Variants in TNIK observed in about 807,000 individuals in gnomAD.
TNIK encodes the protein TRAF2 and NCK interacting kinase, also known as TRAF2 and NCK-interacting protein kinase.
TNIK carries 49 observed loss-of-function variants against 191.3 expected under a neutral mutation model. That is an observed-to-expected ratio of 0.26 (90% CI 0.20 to 0.32). The LOEUF is 0.32. TNIK is among the 10% of genes least tolerant of loss of function. The pLI is 1.00. For synonymous variants in TNIK, 594 were observed against 600.9 expected (o/e 0.99, Z 0.17); for missense variants, 1,155 against 1,702.3 (o/e 0.68, Z 5.66).
At chr3:171,268,730 G>T (rs1270388338) in intron 2 of TNIK, among the ~76,000 whole-genome samples, 1 of 152,038 alleles carries the variant, frequency 6.6e-6, no homozygotes, top group African/African-American at 2.4e-5. Context: ...AAGAAAGAAG[G>T]GCTGGGTGGT....
chr3:171,110,404 A>C (rs1725667898), intron 19 of TNIK, among the ~76,000 whole-genome samples: 1 of 152,248 alleles, frequency 6.6e-6, no homozygotes, highest in Non-Finnish European at 1.5e-5. Context: ...ACCGGCAATC[A>C]AACAGAAACA....
chr3:171,393,758 A>G (rs1309867341), intron 1 of TNIK, among the ~76,000 whole-genome samples: 1 of 152,228 alleles, frequency 6.6e-6, no homozygotes, highest in Admixed American at 6.5e-5. Flanking sequence ...AACTAAGGGA[A>G]GCTATACAAC....
intron 2 of TNIK, among the ~76,000 whole-genome samples, chr3:171,348,882 T>C (rs998739870): frequency 6.6e-6 from 1 of 152,148 alleles, no homozygotes; most frequent in African/African-American, 2.4e-5. Flanking sequence ...TTAAAAAGTA[T>C]GTACTATATT....
At chr3:171,149,789 G>A (rs1242899395) in intron 12 of TNIK, among the ~76,000 whole-genome samples, 4 of 152,190 alleles carry the variant, frequency 2.6e-5, no homozygotes, top group Non-Finnish European at 5.9e-5. Flanking sequence ...AAATAACAGA[G>A]CAAAAGCCCA....
chr3:171,390,713 A>G (rs965567623), intron 1 of TNIK, among the ~76,000 whole-genome samples: 4 of 152,224 alleles, frequency 2.6e-5, no homozygotes, highest in Non-Finnish European at 4.4e-5. Flanking sequence ...AAGGCCATCA[A>G]GCTGCTTCTC....
chr3:171,245,085 A>G (rs958651185), intron 2 of TNIK, among the ~76,000 whole-genome samples: 3 of 152,202 alleles, frequency 2.0e-5, no homozygotes, highest in African/African-American at 7.2e-5. Flanking sequence ...AATGATTGGA[A>G]AAAAGAAGAC....
chr3:171,252,879 G>A (rs958238674), intron 2 of TNIK, among the ~76,000 whole-genome samples: 1 of 152,026 alleles, frequency 6.6e-6, no homozygotes, highest in African/African-American at 2.4e-5. Context: ...AGGAAAAATG[G>A]GCACTTCAGA....
In TNIK at chr3:171,100,002, C is replaced by CAA. The variant is rs201325074; in HGVS notation, c.2591+1445_2591+1446dup. 2.3e-3 allele frequency among the ~76,000 whole-genome samples: 346 copies of CAA among 152,256 alleles called. 1 individual carries two copies. The highest frequency in any genetic ancestry group is 8.0e-3 in the African/African-American group (331 of 41,556). ...ATATAAACTTTTGGAAGACAAAATC[C>CAA]AAGTACGAACTTATCAGATCTCTTA... On this transcript the variant is annotated intron_variant, in intron 22 of 32. Transcript: ENST00000436636.
chr3:171,082,562 T>C, intron 26 of TNIK, 168 bp from the exon 27 acceptor site: 1 of 765,454 alleles, frequency 1.3e-6, no homozygotes, highest in Non-Finnish European at 2.0e-6. Context: ...AATTAAATCA[T>C]TGTACTTCTG....
intron 2 of TNIK, among the ~76,000 whole-genome samples, chr3:171,274,719 A>AAGT (rs1277309208): frequency 6.6e-6 from 1 of 152,108 alleles, no homozygotes; most frequent in Non-Finnish European, 1.5e-5. Flanking sequence ...TTGACCACAC[A>AAGT]AGTTGATCTT....
At chr3:171,244,058 T>C (rs1311390404) in intron 2 of TNIK, among the ~76,000 whole-genome samples, 1 of 128,108 alleles carries the variant, frequency 7.8e-6, no homozygotes, top group East Asian at 2.3e-4. Context: ...GAGACAGAAA[T>C]AGTTTTTTTT....
chr3:171,085,684 A>G (rs761101721), intron 24 of TNIK, among the ~76,000 whole-genome samples: 19 of 152,168 alleles, frequency 1.2e-4, no homozygotes, highest in Middle Eastern at 3.2e-3. Flanking sequence ...CTTGGGGAGG[A>G]GAGCTTTGAG....
chr3:171,380,474 C>T (rs1717883534), intron 1 of TNIK, among the ~76,000 whole-genome samples: 2 of 152,224 alleles, frequency 1.3e-5, no homozygotes, highest in Admixed American at 1.3e-4. Flanking sequence ...CCCAGAGATA[C>T]TCATTTACCA....
rs373315379 is a variant in TNIK at position 171,371,596 on chromosome 3, C to T, written c.58-1911G>A. Among the ~76,000 whole-genome samples the T allele has an allele frequency of 3.9e-5, 6 of 152,168 alleles. No individual in the cohort carries two copies. The South Asian group carries it at 1.0e-3, about 26-fold the overall frequency. ...GTGGTTCCAGACAGAACCACAAAAC[C>T]GGAAAACACTCTTAAGGGACTTAGA... On this transcript the variant is annotated intron_variant, in intron 1 of 32. Transcript: ENST00000436636.
intron 18 of TNIK, among the ~76,000 whole-genome samples, chr3:171,111,644 G>A (rs1275267971): frequency 6.6e-6 from 1 of 152,148 alleles, no homozygotes; most frequent in Non-Finnish European, 1.5e-5. Flanking sequence ...ATAGGATCCA[G>A]AGATTCCACT....
At chr3:171,322,143 A>G (rs1426588522) in intron 2 of TNIK, among the ~76,000 whole-genome samples, 1 of 152,212 alleles carries the variant, frequency 6.6e-6, no homozygotes, top group Non-Finnish European at 1.5e-5. Context: ...CTTATTTAGC[A>G]ATGCTCTCAT....
At chr3:171,350,558 G>A (rs1217585013) in intron 2 of TNIK, among the ~76,000 whole-genome samples, 1 of 119,634 alleles carries the variant, frequency 8.4e-6, no homozygotes, top group East Asian at 2.6e-4. Context: ...AAGAGGAAGT[G>A]AAAGATTTCC....
intron 28 of TNIK, among the ~76,000 whole-genome samples, chr3:171,073,527 T>G (rs1719486448): frequency 1.3e-5 from 2 of 152,088 alleles, no homozygotes; most frequent in African/African-American, 4.8e-5. Flanking sequence ...CAAATGGGAC[T>G]TAATTAATAA....
intron 3 of TNIK, among the ~76,000 whole-genome samples, chr3:171,219,256 A>G (rs1259929418): frequency 7.0e-6 from 1 of 142,452 alleles, no homozygotes; most frequent in Non-Finnish European, 1.5e-5. Context: ...TATATAATTT[A>G]GTAATAATTA....
Sources: gnomAD v4.1 joint callset for allele counts (sites outside exome capture counted in the v4.1 genomes callset) on GRCh38, gnomAD v4.1.1 for gene constraint, MANE v1.5 for transcripts, NCBI Gene and HGNC (gene_info 2026-07-23, HGNC 2026-07-21) for gene names.